The following PPP1R12A variants were observed in gnomAD, a reference collection of about 807,000 sequenced individuals.
PPP1R12A encodes myosin binding subunit.
A neutral mutation model predicts 139.6 loss-of-function variants in PPP1R12A; 19 were observed. That is an observed-to-expected ratio of 0.14 (90% CI 0.09 to 0.20). The LOEUF is 0.20. Among genes scored for constraint, PPP1R12A ranks in the 10% least tolerant of loss-of-function variants. The pLI is 1.00. For missense variants in PPP1R12A, 925 were observed against 1,211.5 expected (o/e 0.76, Z 3.51); for synonymous variants, 427 against 420.6 (o/e 1.02, Z -0.19).
intron 2 of PPP1R12A, among the ~76,000 whole-genome samples, chr12:79,857,766 G>C (rs1288247241): frequency 6.6e-6 from 1 of 151,958 alleles, no homozygotes; most frequent in Non-Finnish European, 1.5e-5. Context: ...CTGAAGATGA[G>C]AATCTATGTT....
intron 1 of PPP1R12A, among the ~76,000 whole-genome samples, chr12:79,883,145 C>T (rs1351298490): frequency 6.6e-6 from 1 of 152,012 alleles, no homozygotes; most frequent in East Asian, 1.9e-4. Context: ...AAAACAAAAA[C>T]AAACAAAACA....
chr12:79,907,246 T>C (rs2656040), intron 1 of PPP1R12A, among the ~76,000 whole-genome samples: 31,490 of 152,062 alleles, frequency 0.21, 5,874 homozygotes, highest in African/African-American at 0.49. Context: ...ACAGGCAGAC[T>C]CTGTCCTTCT....
chr12:79,780,049 A>T (rs1592599927), intron 23 of PPP1R12A: 3 of 152,258 alleles, frequency 2.0e-5, no homozygotes, highest in African/African-American at 7.2e-5. Context: ...AAAAGAAATT[A>T]AAAAAATAGT....
At chr12:79,934,662 C>CA in intron 1 of PPP1R12A, 33 bp downstream of exon 1, 1 of 1,491,300 alleles carries the variant, frequency 6.7e-7, no homozygotes, top group Non-Finnish European at 9.0e-7. Context: ...AGAACCCTCA[C>CA]GGTCAGGAGA....
In PPP1R12A at chr12:79,778,571, A is replaced by C; in HGVS notation, c.2985T>G (p.Ser995=). Residue 995 remains serine, a synonymous_variant, in exon 24 of 25, where the codon TCT becomes TCG. Coordinates refer to ENST00000450142, the MANE Select transcript of PPP1R12A (RefSeq NM_002480.3). ...RERRALERRI[S]EMEEELKMLP... ...TTACTTTGAGCTCTTCTTCCATTTC[A>C]GATATTCTTCTTTCTAGAGCTCTTC... The C allele has an allele frequency of 6.5e-7, 1 of 1,535,900 alleles. No individual in the cohort carries two copies. The highest frequency in any genetic ancestry group is 1.2e-5 in the South Asian group (1 of 81,242).
At chr12:79,892,956 T>C (rs1884796580) in intron 1 of PPP1R12A, among the ~76,000 whole-genome samples, 1 of 151,870 alleles carries the variant, frequency 6.6e-6, no homozygotes, top group African/African-American at 2.4e-5. Flanking sequence ...ATACAAAAAT[T>C]AGCTGGGAGT....
intron 1 of PPP1R12A, among the ~76,000 whole-genome samples, chr12:79,923,767 G>A (rs1036565610): frequency 2.6e-5 from 4 of 152,172 alleles, no homozygotes; most frequent in African/African-American, 9.7e-5. Context: ...GAGAGGCCAG[G>A]CACGGTGGCT....
At chr12:79,782,717 C>T in intron 22 of PPP1R12A, 1 of 291,934 alleles carries the variant, frequency 3.4e-6, no homozygotes, top group South Asian at 2.8e-5. Context: ...CTTGGAATTC[C>T]TGGTCAATTT....
intron 2 of PPP1R12A, among the ~76,000 whole-genome samples, chr12:79,866,800 A>G (rs575651814): frequency 1.3e-5 from 2 of 152,252 alleles, no homozygotes; most frequent in South Asian, 4.1e-4. Context: ...AATGGCGATC[A>G]TTAAAAAGTT....
chr12:79,781,018 T>C (rs1049280691), intron 23 of PPP1R12A, among the ~76,000 whole-genome samples: 10 of 152,172 alleles, frequency 6.6e-5, no homozygotes, highest in Non-Finnish European at 8.8e-5. Context: ...TATTTACTCT[T>C]TGATCATAGC....
intron 1 of PPP1R12A, among the ~76,000 whole-genome samples, chr12:79,930,461 G>A (rs1592852101): frequency 6.6e-6 from 1 of 152,172 alleles, no homozygotes; most frequent in East Asian, 1.9e-4. Context: ...AAACAATTAA[G>A]CTATTACTAT....
intron 1 of PPP1R12A, among the ~76,000 whole-genome samples, chr12:79,892,829 C>T (rs1018744922): frequency 6.6e-6 from 1 of 152,090 alleles, no homozygotes; most frequent in Non-Finnish European, 1.5e-5. Context: ...TGAGGTCAGG[C>T]GTGGTGGCTC....
chr12:79,873,418 A>G (rs1363283281), intron 1 of PPP1R12A, among the ~76,000 whole-genome samples: 2 of 151,814 alleles, frequency 1.3e-5, no homozygotes, highest in South Asian at 2.1e-4. Context: ...CATGTGTTTT[A>G]GCACAAATAA....
rs1381268985 is a variant in PPP1R12A, at chr12:79,817,420, C to G, written c.1213G>C (p.Ala405Pro). The G allele has an allele frequency of 2.1e-5, 34 of 1,612,000 alleles. No homozygotes were observed. The highest frequency in any genetic ancestry group is 2.6e-5 in the Non-Finnish European group (31 of 1,178,870). The change falls in exon 9 of 25, where the codon GCA (alanine) becomes CCA (proline). Residue 405 changes from alanine (A) to proline (P), a missense_variant. Ala to Pro is a conservative substitution (Grantham distance 27). Around this residue, in one of 4 missense-constraint regions of PPP1R12A, gnomAD observed 403 missense variants for 463.7 expected, o/e 0.87. Transcript: ENST00000450142. Reference sequence around the variant, plus strand: ...TTTTTAATAGGTGATGTAGGTGTTGCTTGACCTGATGACACAGTAGGTGTT... The same window carrying G: ...TTTTTAATAGGTGATGTAGGTGTTGGTTGACCTGATGACACAGTAGGTGTT... ...VTTPTVSSGQ[A>P]TPTSPIKKFP...
intron 9 of PPP1R12A, among the ~76,000 whole-genome samples, chr12:79,816,447 TA>T (rs900474373): frequency 1.3e-5 from 2 of 151,140 alleles, no homozygotes; most frequent in Non-Finnish European, 3.0e-5. Flanking sequence ...AGGGAAATGA[TA>T]AAAAAAGATA....
intron 9 of PPP1R12A, among the ~76,000 whole-genome samples, chr12:79,810,679 T>G (rs546960363): frequency 6.6e-6 from 1 of 152,270 alleles, no homozygotes; most frequent in East Asian, 1.9e-4. Context: ...GAACAAGTTC[T>G]AATTTTAGCA....
At chr12:79,914,349 A>T (rs1886825692) in intron 1 of PPP1R12A, among the ~76,000 whole-genome samples, 1 of 151,998 alleles carries the variant, frequency 6.6e-6, no homozygotes, top group Non-Finnish European at 1.5e-5. Flanking sequence ...ACTATAATAT[A>T]ATATAATCAG....
At chr12:79,887,585 GTC>G (rs1224938676) in intron 1 of PPP1R12A, among the ~76,000 whole-genome samples, 2 of 152,152 alleles carry the variant, frequency 1.3e-5, no homozygotes, top group African/African-American at 4.8e-5. Flanking sequence ...TCTCATTACT[GTC>G]TGCACTCTGG....
intron 14 of PPP1R12A, among the ~76,000 whole-genome samples, chr12:79,804,654 A>AC: frequency 6.6e-6 from 1 of 152,076 alleles, no homozygotes; most frequent in East Asian, 1.9e-4. Context: ...GTAAAAAAAA[A>AC]AATTAGTTAC....
Sources: gnomAD v4.1 joint callset for allele counts (sites outside exome capture counted in the v4.1 genomes callset) on GRCh38, gnomAD v4.1.1 for gene constraint, gnomAD v4.1.1 regional missense constraint, MANE v1.5 for transcripts, NCBI Gene and HGNC (gene_info 2026-07-23, HGNC 2026-07-21) for gene names.